The following PLCB2 variants were observed in gnomAD, a reference collection of about 807,000 sequenced individuals.
PLCB2 encodes 1-phosphatidylinositol 4,5-bisphosphate phosphodiesterase beta-2.
In PLCB2, 115 loss-of-function variants were observed where a neutral mutation model predicts 141.7. That is an observed-to-expected ratio of 0.81 (90% confidence interval 0.70 to 0.95). The LOEUF is 0.95. Among genes scored for constraint, PLCB2 ranks in the 40% least tolerant of loss-of-function variants. The pLI, the probability that PLCB2 is intolerant of heterozygous loss-of-function variation, is 0.00. For synonymous variants in PLCB2, 603 were observed against 595.6 expected, an observed-to-expected ratio of 1.01 and a Z score of -0.18; for missense variants, 1,403 against 1,541.1, an observed-to-expected ratio of 0.91 and a Z score of 1.50.
rs755025022 is a variant in PLCB2 at position 40,294,365 on chromosome 15, G to A, written c.1962C>T (p.Tyr654=). 7.4e-6 allele frequency: 12 copies of A among 1,614,062 alleles called. 1 individual carries two copies. In the South Asian group the frequency reaches 1.2e-4, roughly 16 times the overall value. Residue 654 remains tyrosine, a synonymous_variant, in exon 19 of 32, where the codon TAC becomes TAT. Coordinates refer to ENST00000260402, the MANE Select transcript of PLCB2 (RefSeq NM_004573.3). ...GGCGCATGAACTCATGCTTGAGGAG[G>A]TAGCCGCTCTGCCCGTTGAACTCAA... ...AVFEFNGQSG[Y]LLKHEFMRRP... is the part of the protein sequence containing the mutation.
chr15:40,302,536 A>G lies in PLCB2; in HGVS notation c.305T>C (p.Val102Ala), dbSNP rs770968598. The change falls in exon 4 of 32, where the codon GTG becomes GCG. Residue 102 changes from valine to alanine, a missense_variant. Physicochemically the swap from Val to Ala is moderately conservative, Grantham distance 64 (BLOSUM62 0). Coordinates refer to ENST00000260402, the MANE Select transcript of PLCB2 (RefSeq NM_004573.3). Reference protein sequence around the residue: ...NSFLLKTLTVVSGPDMVDLTF... With the variant: ...NSFLLKTLTVASGPDMVDLTF... ...GAGGTCCACCATGTCCGGGCCGGAC[A>G]CCACCGTGAGTGTCTTCAGCAGGAA... is the stretch of plus-strand genomic sequence containing the variant. 1 of 1,614,218 alleles carries G rather than the reference A, an allele frequency of 6.2e-7. No individual in the cohort carries two copies. The highest frequency in any genetic ancestry group is 1.7e-5 in the Admixed American group (1 of 60,032).
rs9972332 is a variant in PLCB2 at position 40,294,336 on chromosome 15, G to A, written c.1991C>T (p.Pro664Leu). The change falls in exon 19 of 32, where the codon CCG (proline) becomes CTG (leucine). Residue 664 changes from proline to leucine, a missense_variant. By Grantham distance (98) the Pro-to-Leu change is moderately conservative (BLOSUM62 -3). Transcript: ENST00000260402. ...YLLKHEFMRR[P>L]DKQFNPFSVD... ...TGAGAAGGGGTTGAACTGCTTGTCC[G>A]GCCGGCGCATGAACTCATGCTTGAG... 255 of 1,614,178 alleles carry A rather than the reference G, an allele frequency of 1.6e-4. No homozygotes were observed. In the African/African-American group the frequency reaches 3.0e-3, roughly 19 times the overall value.
In PLCB2 at chr15:40,291,058, T is replaced by G; in HGVS notation, c.2996A>C (p.Tyr999Ser). ...LELLRQGEEQYECVLKRKEQH... is the reference protein window; with the variant it reads ...LELLRQGEEQSECVLKRKEQH... ...CTCCTTGCGCTTCAGAACGCACTCG[T>G]ACTGCTCCTCGCCCTGCCGCAGCAG... The change falls in exon 27 of 32, where the codon TAC becomes TCC. Residue 999 changes from tyrosine (Y) to serine (S), a missense_variant. By Grantham distance (144) the Tyr-to-Ser change is moderately radical. This residue lies in a region of PLCB2 where 290 missense variants were observed against 245.9 expected (regional missense o/e 1.18). Transcript: ENST00000260402. 1 of 1,593,050 alleles carries G rather than the reference T, an allele frequency of 6.3e-7. No individual in the cohort carries two copies. The highest frequency in any genetic ancestry group is 8.5e-7 in the Non-Finnish European group (1 of 1,177,284).
At chr15:40,291,987 C>T (rs1003411711) in intron 23 of PLCB2, 63 bp from the exon 24 acceptor site, 134 of 1,603,004 alleles carry the variant, frequency 8.4e-5, no homozygotes, top group Non-Finnish European at 1.1e-4. Flanking sequence ...GCCTGGGACT[C>T]GGCCCTCTCC....
At chr15:40,298,440 C>T (rs1232715012) in intron 10 of PLCB2, 60 bp from the exon 11 acceptor site, 2 of 1,574,882 alleles carry the variant, frequency 1.3e-6, no homozygotes, top group Non-Finnish European at 1.7e-6. Flanking sequence ...AGCTCTCCCC[C>T]TACCGCCACT....
In PLCB2 at chr15:40,307,753, A is replaced by G. The variant is rs1016878417; in HGVS notation, c.-81T>C. 3 of 1,244,568 alleles carry G rather than the reference A, an allele frequency of 2.4e-6. No homozygotes were observed. Among genetic ancestry groups the G allele is most frequent in the Middle Eastern group, 2.0e-4 (1 of 5,010 alleles). The allele number at this position is 1,244,568 out of a possible 1,614,324, so 77.1% of individuals were successfully genotyped here. A position where few individuals can be genotyped will look rare whatever the true frequency, so the allele number is the denominator to read the frequency against. On this transcript the variant is annotated 5_prime_UTR_variant, in exon 1 of 32. Coordinates refer to ENST00000260402, the MANE Select transcript of PLCB2 (RefSeq NM_004573.3). ...AGGAAGGAGGCCAGCCAGGAGGGGGAGCCAAGCTGGGCTCAAATGGCACCC... is the reference window on the plus strand; with the variant it reads ...AGGAAGGAGGCCAGCCAGGAGGGGGGGCCAAGCTGGGCTCAAATGGCACCC...
At position 40,290,771 on chromosome 15, in the gene PLCB2, T is replaced by A; in HGVS notation, c.3103A>T (p.Thr1035Ser). 1 of 1,613,738 alleles carries A rather than the reference T, an allele frequency of 6.2e-7. No individual in the cohort carries two copies. The highest frequency in any genetic ancestry group is 8.5e-7 in the Non-Finnish European group (1 of 1,179,874). Residue 1035 changes from threonine to serine, a missense_variant, in exon 28 of 32, where the codon ACG becomes TCG. Thr to Ser is a moderately conservative substitution (Grantham distance 58, BLOSUM62 1). This residue lies in a region of PLCB2 where 290 missense variants were observed against 245.9 expected (regional missense o/e 1.18). Coordinates refer to ENST00000260402, the MANE Select transcript of PLCB2 (RefSeq NM_004573.3). ...GGGAGGCAGTCGTACTTCTCCGACG[T>A]CTCCTTCAGGGCCTTCAGCTCTGCC... The part of the protein sequence containing the change: ...QAAELKALKE[T>S]SENDTKEMKK...
In PLCB2 at chr15:40,301,539, G is replaced by A. The variant is rs568285194; in HGVS notation, c.582+418C>T. 161 of 702,882 alleles carry A rather than the reference G, an allele frequency of 2.3e-4. 1 individual carries two copies. The Admixed American group carries it at 3.1e-3, about 13-fold the overall frequency. 43.5% of individuals were successfully genotyped at this position (702,882 alleles called of 1,614,324 possible). ...GCCTTTGGTTCAGTTCCTCTCCCTC[G>A]ACACGCTGCAGACTTCCAGATCCCT... On this transcript the variant is annotated intron_variant, in intron 7 of 31. Coordinates refer to ENST00000260402, the MANE Select transcript of PLCB2 (RefSeq NM_004573.3).
At chr15:40,289,946 A>AGG in intron 30 of PLCB2, 79 bp downstream of exon 30, 1 of 221,526 alleles carries the variant, frequency 4.5e-6, no homozygotes, top group African/African-American at 4.0e-5. Context: ...AGAGAGAGAG[A>AGG]GAGAGAGAGA....
chr15:40,289,959 GAGA>G, intron 30 of PLCB2, 63 bp downstream of exon 30: 2 of 760,332 alleles, frequency 2.6e-6, no homozygotes, highest in Non-Finnish European at 2.3e-6. Flanking sequence ...GAGAGAGAGA[GAGA>G]GAGAGAGTGT....
intron 7 of PLCB2, chr15:40,300,884 A>C (rs1050640117): frequency 5.2e-5 from 8 of 152,416 alleles, no homozygotes; most frequent in African/African-American, 1.9e-4. Context: ...GATCTCCCCA[A>C]ACCCCTCCCT....
Position 40,307,591 on chromosome 15 carries a change from C to T in PLCB2, c.82G>A (p.Asp28Asn), listed in dbSNP as rs2040861887. The T allele has an allele frequency of 1.9e-6, 3 of 1,583,298 alleles. No individual in the cohort carries two copies. The highest frequency in any genetic ancestry group is 2.6e-6 in the Non-Finnish European group (3 of 1,161,340). Residue 28 changes from aspartate to asparagine, a missense_variant and splice_region_variant, in exon 1 of 32, where the codon GAT becomes AAT. Physicochemically the swap from Asp to Asn is conservative, Grantham distance 23. Around this residue, in one of 4 missense-constraint regions of PLCB2, gnomAD observed 975 missense variants for 1,141.1 expected, o/e 0.85. Coordinates refer to ENST00000260402, the MANE Select transcript of PLCB2 (RefSeq NM_004573.3). ...GCTGAGGCCCCTGCCCCACTTACAT[C>T]ATCCCATTTGATGAAGCGCTCCCCT... ...SQGERFIKWD[D>N]ETTVASPVIL...
chr15:40,295,693 G>C (rs1370516982), intron 16 of PLCB2, among the ~76,000 whole-genome samples: 1 of 152,196 alleles, frequency 6.6e-6, no homozygotes, highest in South Asian at 2.1e-4. Flanking sequence ...GGGGAGAGGG[G>C]CACATTAACT....
intron 29 of PLCB2, 75 bp from the exon 30 acceptor site, chr15:40,290,157 G>A: frequency 3.2e-6 from 3 of 940,228 alleles, no homozygotes; most frequent in Admixed American, 1.7e-5. Context: ...GTCTACGCAG[G>A]ATGTAGGCAA....
At chr15:40,301,650 C>G (rs1432386110) in intron 7 of PLCB2, 1 of 703,050 alleles carries the variant, frequency 1.4e-6, no homozygotes, top group South Asian at 1.5e-5. Context: ...CAACACTAGA[C>G]TGGGAATGCA....
At position 40,302,195 on chromosome 15, in the gene PLCB2, G is replaced by C; in HGVS notation, c.453-6C>G. 1.2e-6 allele frequency: 2 copies of C among 1,613,214 alleles called. No homozygotes were observed. The highest frequency in any genetic ancestry group is 1.7e-6 in the Non-Finnish European group (2 of 1,179,382). ...GCATCTTGAGCTTCACAAGGCTGGG[G>C]GCAGAAAGCAGCCCGTCAAGGCCCA... On this transcript the variant is annotated splice_polypyrimidine_tract_variant and splice_region_variant and intron_variant, in intron 5 of 31. Coordinates refer to ENST00000260402, the MANE Select transcript of PLCB2 (RefSeq NM_004573.3).
chr15:40,291,515 C>T (rs2039924368), intron 25 of PLCB2, 28 bp from the exon 26 acceptor site: 1 of 1,598,356 alleles, frequency 6.3e-7, no homozygotes, highest in South Asian at 1.1e-5. Flanking sequence ...AGGCGCAACA[C>T]CGGCCAGGCC....
rs756767758 is a variant in PLCB2, at chr15:40,292,357, T to C, written c.2413A>G (p.Ile805Val). 3.1e-6 allele frequency: 5 copies of C among 1,612,636 alleles called. No individual in the cohort carries two copies. The African/African-American group carries it at 6.7e-5, about 22-fold the overall frequency. Residue 805 changes from isoleucine (I) to valine (V), a missense_variant, in exon 22 of 32, where the codon ATA becomes GTA. Ile to Val is a conservative substitution (Grantham distance 29). This residue lies in a region of PLCB2 where 975 missense variants were observed against 1,141.1 expected (regional missense o/e 0.85). Coordinates refer to ENST00000260402, the MANE Select transcript of PLCB2 (RefSeq NM_004573.3). The part of the protein sequence containing the change: ...LFIFLEMKDY[I>V]PGAWADLTVA... ...CTCCTACCTGCCCAAGCACCAGGTA[T>C]GTAGTCCTTCATCTCCAGGAAGATG...
intron 16 of PLCB2, 107 bp downstream of exon 16, chr15:40,296,189 C>T: frequency 1.2e-6 from 1 of 835,578 alleles, no homozygotes; most frequent in Non-Finnish European, 1.9e-6. Context: ...TAAGCAAGCC[C>T]TTTGCCTGAC....
Sources: allele counts gnomAD v4.1 joint callset (sites outside exome capture counted in the v4.1 genomes callset), GRCh38; gene constraint gnomAD v4.1.1; regional missense constraint gnomAD v4.1.1; transcripts MANE v1.5; gene names NCBI Gene and HGNC (gene_info 2026-07-23, HGNC 2026-07-21).